MDGA2: variants seen among roughly 807,000 people sequenced by gnomAD.
MDGA2 encodes the protein MAM domain-containing glycosylphosphatidylinositol anchor protein 2.
Under a neutral mutation model 117.8 loss-of-function variants are expected in MDGA2, and 40 were observed. The ratio of observed to expected loss-of-function variants is 0.34; its 90% CI spans 0.26 to 0.44. MDGA2 has a LOEUF of 0.44. Ranked by LOEUF, MDGA2 falls within the 20% of genes least tolerant of loss-of-function variation. The pLI, the probability that MDGA2 is intolerant of heterozygous loss-of-function variation, is 1.00. For synonymous variants in MDGA2, 452 were observed against 439.0 expected (o/e 1.03, Z -0.37); for missense variants, 1,123 against 1,250.6 (o/e 0.90, Z 1.54).
intron 1 of MDGA2, among the ~76,000 whole-genome samples, chr14:47,646,968 A>G (rs2150167): frequency 0.3 from 45,448 of 152,010 alleles, 7,317 homozygotes; most frequent in South Asian, 0.47. Flanking sequence ...CTGCACCATA[A>G]TTTACATGAA....
Position 46,888,877 on chromosome 14 carries a change from T to G in MDGA2, c.2239-6656A>C, listed in dbSNP as rs188004169. Among the ~76,000 whole-genome samples, 505 of 152,058 alleles carry G rather than the reference T, an allele frequency of 3.3e-3. 2 individuals carry two copies. Among genetic ancestry groups the G allele is most frequent in the Middle Eastern group, 6.8e-3 (2 of 294 alleles). ...ATTTTTATGTAACTCTATAAAAGAT[T>G]GATATATCCATTTTATAGGAAACTC... On this transcript the variant is annotated intron_variant, in intron 10 of 16. Transcript: ENST00000399232.
At chr14:46,899,423 T>G (rs1286608255) in intron 10 of MDGA2, among the ~76,000 whole-genome samples, 1 of 152,062 alleles carries the variant, frequency 6.6e-6, no homozygotes, top group African/African-American at 2.4e-5. Flanking sequence ...ACTTTCTATT[T>G]GATTCTTGAA....
At chr14:47,218,383 T>G (rs1886178417) in intron 2 of MDGA2, among the ~76,000 whole-genome samples, 188 bp from the exon 3 acceptor site, 1 of 152,172 alleles carries the variant, frequency 6.6e-6, no homozygotes, top group African/African-American at 2.4e-5. Flanking sequence ...ATGTCATCAT[T>G]GTACAGTGTG....
chr14:47,392,436 A>T (rs551176423), intron 1 of MDGA2, among the ~76,000 whole-genome samples: 144 of 152,286 alleles, frequency 9.5e-4, no homozygotes, highest in African/African-American at 3.4e-3. Context: ...AAAAATGTTT[A>T]TTATAATACA....
At chr14:47,521,414 G>A (rs1310479735) in intron 1 of MDGA2, among the ~76,000 whole-genome samples, 1 of 152,094 alleles carries the variant, frequency 6.6e-6, no homozygotes, top group Non-Finnish European at 1.5e-5. Context: ...ATTAAATCCT[G>A]ACCTTGCCAT....
At chr14:47,417,367 C>T (rs1892495592) in intron 1 of MDGA2, among the ~76,000 whole-genome samples, 1 of 152,162 alleles carries the variant, frequency 6.6e-6, no homozygotes, top group Non-Finnish European at 1.5e-5. Context: ...AAATTATTTG[C>T]CACTTTATGA....
intron 5 of MDGA2, among the ~76,000 whole-genome samples, chr14:47,119,411 A>G (rs1881535037): frequency 6.6e-6 from 1 of 152,140 alleles, no homozygotes. Flanking sequence ...ATAATGCTTT[A>G]TTAAACTTGT....
At position 47,217,846 on chromosome 14, in the gene MDGA2, A is replaced by C. The variant is rs192309606; in HGVS notation, c.595+175T>G. On this transcript the variant is annotated intron_variant, in intron 3 of 16. Coordinates refer to ENST00000399232, the MANE Select transcript of MDGA2 (RefSeq NM_001113498.3). ...ATGTATTATATCATAGAAGTTATGA[A>C]AGTTTCTAGTGAAGATTCCTTTCTT... Among the ~76,000 whole-genome samples, 569 of 152,226 alleles carry C rather than the reference A, an allele frequency of 3.7e-3. 4 individuals carry two copies. Among genetic ancestry groups the C allele is most frequent in the Admixed American group, 5.0e-3 (76 of 15,268 alleles).
intron 2 of MDGA2, among the ~76,000 whole-genome samples, chr14:47,258,156 T>A (rs1191183156): frequency 6.6e-6 from 1 of 152,158 alleles, no homozygotes; most frequent in African/African-American, 2.4e-5. Context: ...TGTAGTATGT[T>A]CATTTGCTGG....
chr14:46,920,472 T>C lies in MDGA2; in HGVS notation c.2090-312A>G, dbSNP rs191655717. On this transcript the variant is annotated intron_variant, in intron 9 of 16. Transcript: ENST00000399232. ...GAAGATCAAAGTCATTTTTAAATAA[T>C]TTGAGTGATCTAAATGGATACACCA... Among the ~76,000 whole-genome samples, 6 of 152,320 alleles carry C rather than the reference T, an allele frequency of 3.9e-5. No individual in the cohort carries two copies. The East Asian group carries it at 1.2e-3, about 29-fold the overall frequency.
At chr14:47,641,599 G>C (rs1897425569) in intron 1 of MDGA2, among the ~76,000 whole-genome samples, 2 of 152,160 alleles carry the variant, frequency 1.3e-5, no homozygotes, top group South Asian at 4.1e-4. Context: ...GTCCAGACGA[G>C]AGCCAATAAG....
rs1892111438 is a variant in MDGA2 at position 47,400,525 on chromosome 14, A to T, written c.281-98975T>A. ...AGGATTTATATCAGTGACACCAACA[A>T]TGAACAAAACGCTGGAAGAAAAACA... On this transcript the variant is annotated intron_variant, in intron 1 of 16. Coordinates refer to ENST00000399232, the MANE Select transcript of MDGA2 (RefSeq NM_001113498.3). Among the ~76,000 whole-genome samples the T allele has an allele frequency of 2.0e-5, 3 of 151,624 alleles. No individual in the cohort carries two copies. In the South Asian group the frequency reaches 6.2e-4, roughly 31 times the overall value.
intron 1 of MDGA2, among the ~76,000 whole-genome samples, chr14:47,384,171 T>C (rs1023943410): frequency 1.3e-5 from 2 of 151,816 alleles, no homozygotes; most frequent in Admixed American, 6.6e-5. Flanking sequence ...GATAATCATA[T>C]AGACATAACA....
At chr14:47,487,239 T>C (rs554462887) in intron 1 of MDGA2, among the ~76,000 whole-genome samples, 34 of 152,338 alleles carry the variant, frequency 2.2e-4, no homozygotes, top group Admixed American at 3.3e-4. Flanking sequence ...TGTATCAACA[T>C]TACTGTGGAT....
At chr14:47,141,852 GC>G (rs1882733642) in intron 4 of MDGA2, among the ~76,000 whole-genome samples, 1 of 152,138 alleles carries the variant, frequency 6.6e-6, no homozygotes, top group Non-Finnish European at 1.5e-5. Flanking sequence ...TTTCAATACA[GC>G]TAGACGAGAA....
At chr14:47,120,031 T>C (rs907726302) in intron 5 of MDGA2, among the ~76,000 whole-genome samples, 1 of 152,116 alleles carries the variant, frequency 6.6e-6, no homozygotes, top group African/African-American at 2.4e-5. Context: ...ACAAAGAAAA[T>C]TGGTTTTGAA....
At chr14:46,893,607 T>C (rs1384466465) in intron 10 of MDGA2, among the ~76,000 whole-genome samples, 1 of 152,074 alleles carries the variant, frequency 6.6e-6, no homozygotes, top group East Asian at 1.9e-4. Context: ...TGTATATTTA[T>C]ATCAAAACAT....
At chr14:46,932,792 T>A (rs1368408748) in intron 9 of MDGA2, among the ~76,000 whole-genome samples, 1 of 151,700 alleles carries the variant, frequency 6.6e-6, no homozygotes, top group Non-Finnish European at 1.5e-5. Flanking sequence ...AATTACTTCA[T>A]CCTTACAACA....
chr14:47,652,316 C>G (rs1897660301), intron 1 of MDGA2, among the ~76,000 whole-genome samples: 1 of 152,116 alleles, frequency 6.6e-6, no homozygotes. Context: ...AGTCCATATT[C>G]CTCTCATCTA....
Sources: gnomAD v4.1 joint callset for allele counts (sites outside exome capture counted in the v4.1 genomes callset) on GRCh38, gnomAD v4.1.1 for gene constraint, MANE v1.5 for transcripts, NCBI Gene and HGNC (gene_info 2026-07-23, HGNC 2026-07-21) for gene names.